Variants in APC observed in about 807,000 individuals in gnomAD.
APC encodes APC regulator of Wnt signaling pathway.
A neutral mutation model predicts 247.0 loss-of-function variants in APC; 72 were observed. The observed-to-expected ratio is 0.29, with a 90% confidence interval of 0.24 to 0.35. APC has a LOEUF of 0.35. APC is among the 10% of genes least tolerant of loss of function. APC has a pLI of 1.00. For synonymous variants in APC, 1,254 were observed against 1,162.5 expected (o/e 1.08, Z -1.60); for missense variants, 3,400 against 3,360.7 (o/e 1.01, Z -0.29).
chr5:112,814,230 A>G lies in APC; in HGVS notation c.835-1265A>G, dbSNP rs2707761. On this transcript the variant is annotated intron_variant, in intron 8 of 15. Transcript: ENST00000257430. ...CATTTCCTTAATTATTAATGAATGGATTTAGCTGTGGCCTATATTTTGATA... is the reference window on the plus strand; with the variant it reads ...CATTTCCTTAATTATTAATGAATGGGTTTAGCTGTGGCCTATATTTTGATA... 0.22 allele frequency among the ~76,000 whole-genome samples: 33,232 copies of G among 152,090 alleles called. 4,945 individuals are homozygous for G. The highest frequency in any genetic ancestry group is 0.43 in the African/African-American group (17,695 of 41,458).
intron 5 of APC, among the ~76,000 whole-genome samples, chr5:112,778,718 T>C (rs1757986757): frequency 6.6e-6 from 1 of 152,136 alleles, no homozygotes. Flanking sequence ...TAATTTTTTG[T>C]ACTTTTAGTA....
chr5:112,827,773 T>C (rs1763850996), intron 12 of APC, among the ~76,000 whole-genome samples, 156 bp from the exon 13 acceptor site: 2 of 152,256 alleles, frequency 1.3e-5, no homozygotes, highest in African/African-American at 4.8e-5. Flanking sequence ...ATTTGTCTTT[T>C]ATTTAGGTAA....
chr5:112,845,944 A>G lies in APC; in HGVS notation c.*1818A>G, dbSNP rs193216000. 20 of 232,150 alleles carry G rather than the reference A, an allele frequency of 8.6e-5. No individual in the cohort carries two copies. In the East Asian group the frequency reaches 1.0e-3, roughly 12 times the overall value. The allele number at this position is 232,150 out of a possible 1,614,324, so 14.4% of individuals were successfully genotyped here. A position where few individuals can be genotyped will look rare whatever the true frequency, so the allele number is the denominator to read the frequency against. On this transcript the variant is annotated 3_prime_UTR_variant, in exon 16 of 16. Coordinates refer to ENST00000257430, the MANE Select transcript of APC (RefSeq NM_000038.6). ...TGAATACACCTACCTGGTGCCTTGA[A>G]AATCACATCAAGTAGTTAATTATCT... is the stretch of plus-strand genomic sequence containing the variant.
chr5:112,792,256 GAAAAA>G (rs1222298256), intron 6 of APC, among the ~76,000 whole-genome samples, 185 bp from the exon 7 acceptor site: 37 of 151,376 alleles, frequency 2.4e-4, no homozygotes, highest in African/African-American at 8.2e-4. Flanking sequence ...GAAAAAAAAA[GAAAAA>G]AAGAAAAGAA....
At chr5:112,744,013 T>G (rs1046914221) in intron 1 of APC, among the ~76,000 whole-genome samples, 4 of 151,612 alleles carry the variant, frequency 2.6e-5, no homozygotes, top group Non-Finnish European at 4.4e-5. Flanking sequence ...TAATTTTTAA[T>G]TTTTTTTTCA....
chr5:112,813,404 A>G (rs1762173925), intron 8 of APC, among the ~76,000 whole-genome samples: 1 of 152,186 alleles, frequency 6.6e-6, no homozygotes, highest in Admixed American at 6.5e-5. Flanking sequence ...TTGGAGTATT[A>G]CCTATTTAAG....
At chr5:112,751,572 A>G (rs1391471362) in intron 1 of APC, among the ~76,000 whole-genome samples, 1 of 151,732 alleles carries the variant, frequency 6.6e-6, no homozygotes, top group African/African-American at 2.4e-5. Context: ...TGCATTTTTT[A>G]TTGTAAATGG....
At chr5:112,785,554 G>A (rs953369232) in intron 6 of APC, among the ~76,000 whole-genome samples, 1 of 152,114 alleles carries the variant, frequency 6.6e-6, no homozygotes, top group South Asian at 2.1e-4. Context: ...ATTTATGAAA[G>A]AACGCATAAT....
intron 6 of APC, among the ~76,000 whole-genome samples, chr5:112,781,669 C>T (rs1282453782): frequency 6.6e-6 from 1 of 152,064 alleles, no homozygotes; most frequent in African/African-American, 2.4e-5. Flanking sequence ...TTCTATAAAA[C>T]ATATTAAATA....
chr5:112,780,225 G>C (rs538620614), intron 5 of APC, among the ~76,000 whole-genome samples: 1 of 152,236 alleles, frequency 6.6e-6, no homozygotes, highest in East Asian at 1.9e-4. Context: ...TTTTACCAAA[G>C]TCTGTGTTGA....
chr5:112,835,723 C>G (rs527852296), intron 15 of APC, among the ~76,000 whole-genome samples: 1 of 151,980 alleles, frequency 6.6e-6, no homozygotes, highest in South Asian at 2.1e-4. Context: ...CAGATGCACG[C>G]CACAACACCC....
chr5:112,730,080 C>T (rs1359274184), intron 1 of APC, among the ~76,000 whole-genome samples: 1 of 152,086 alleles, frequency 6.6e-6, no homozygotes, highest in African/African-American at 2.4e-5. Flanking sequence ...AAATTTTGTT[C>T]CAGATATTTT....
At chr5:112,794,545 A>G (rs1003113381) in intron 7 of APC, among the ~76,000 whole-genome samples, 8 of 152,108 alleles carry the variant, frequency 5.3e-5, no homozygotes, top group Non-Finnish European at 8.8e-5. Context: ...GTCCACTTCA[A>G]ACGCCAGCCA....
rs1380309707 is a variant in APC, at chr5:112,840,156, A to AATTAAGAATAATGCCTCC, written c.4564_4581dup (p.Leu1522_Pro1527dup). On this transcript the variant is annotated inframe_insertion, in exon 16 of 16. Coordinates refer to ENST00000257430, the MANE Select transcript of APC (RefSeq NM_000038.6). The surrounding 1 kb of genome is among the most constrained non-coding windows in gnomAD (Gnocchi z 4.1). ...GAGCCATTTATACAGAAAGATGTGG[A>AATTAAGAATAATGCCTCC]ATTAAGAATAATGCCTCCAGTTCAG... 2 of 1,614,176 alleles carry AATTAAGAATAATGCCTCC rather than the reference A, an allele frequency of 1.2e-6. No homozygotes were observed. Among genetic ancestry groups the AATTAAGAATAATGCCTCC allele is most frequent in the Admixed American group, 3.3e-5 (2 of 60,026 alleles).
chr5:112,770,937 T>C (rs1325331308), intron 4 of APC, among the ~76,000 whole-genome samples: 1 of 152,170 alleles, frequency 6.6e-6, no homozygotes, highest in Admixed American at 6.5e-5. Context: ...CCCCGCTGTA[T>C]AAGATTTGGC....
At chr5:112,792,597 T>C (rs2149685322) in intron 7 of APC, 68 bp downstream of exon 7, 1 of 1,125,562 alleles carries the variant, frequency 8.9e-7, no homozygotes, top group South Asian at 1.3e-5. Flanking sequence ...AGAAAACATG[T>C]ATAATTTAAT....
rs1765211338 is a variant in APC at position 112,838,156 on chromosome 5, A to G, written c.2562A>G (p.Arg854=). The change falls in exon 16 of 16, where the codon AGA becomes AGG. Residue 854 remains arginine (R), a synonymous_variant. Coordinates refer to ENST00000257430, the MANE Select transcript of APC (RefSeq NM_000038.6). ...CTGAAAAAGATAGAAGTTTGGAGAG[A>G]GAACGCGGAATTGGTCTAGGCAACT... ...SRSEKDRSLE[R]ERGIGLGNYH... 1 of 1,614,176 alleles carries G rather than the reference A, an allele frequency of 6.2e-7. No homozygotes were observed. The highest frequency in any genetic ancestry group is 8.5e-7 in the Non-Finnish European group (1 of 1,180,030).
intron 2 of APC, among the ~76,000 whole-genome samples, chr5:112,763,645 A>G (rs1355867793): frequency 6.6e-6 from 1 of 152,208 alleles, no homozygotes; most frequent in East Asian, 1.9e-4. Flanking sequence ...AAATCTTTGT[A>G]ACTTTTCTAA....
chr5:112,803,504 T>C (rs1395429723), intron 8 of APC, among the ~76,000 whole-genome samples: 1 of 152,200 alleles, frequency 6.6e-6, no homozygotes, highest in Non-Finnish European at 1.5e-5. Context: ...TGAGCTTTAG[T>C]GTTTCCTCTT....
Sources: allele counts gnomAD v4.1 joint callset (sites outside exome capture counted in the v4.1 genomes callset), GRCh38; gene constraint gnomAD v4.1.1; non-coding constraint Gnocchi (gnomAD v3.1); transcripts MANE v1.5; gene names NCBI Gene and HGNC (gene_info 2026-07-23, HGNC 2026-07-21).